DIAPH3: variants seen among roughly 807,000 people sequenced by gnomAD.
DIAPH3 encodes the protein protein diaphanous homolog 3.
A neutral mutation model predicts 144.3 loss-of-function variants in DIAPH3; 117 were observed. That is an observed-to-expected ratio of 0.81 (90% confidence interval 0.70 to 0.95). The LOEUF (loss-of-function observed/expected upper bound fraction) is 0.95. DIAPH3 is among the 40% of genes least tolerant of loss of function. The pLI is 0.00. For synonymous variants in DIAPH3, 519 were observed against 488.9 expected, an observed-to-expected ratio of 1.06 and a Z score of -0.81; for missense variants, 1,421 against 1,412.7, an observed-to-expected ratio of 1.01 and a Z score of -0.09.
At chr13:59,840,254 A>T (rs1023978551) in intron 22 of DIAPH3, among the ~76,000 whole-genome samples, 1 of 152,168 alleles carries the variant, frequency 6.6e-6, no homozygotes, top group Non-Finnish European at 1.5e-5. Context: ...GGTTAAAAAA[A>T]AATCTATTGT....
intron 27 of DIAPH3, among the ~76,000 whole-genome samples, chr13:59,704,932 A>T: frequency 6.6e-6 from 1 of 152,094 alleles, no homozygotes; most frequent in Non-Finnish European, 1.5e-5. Context: ...GGGTTTGACT[A>T]TTTTTTTCAC....
intron 3 of DIAPH3, among the ~76,000 whole-genome samples, chr13:60,103,233 G>A (rs1024320822): frequency 1.3e-5 from 2 of 151,940 alleles, no homozygotes; most frequent in African/African-American, 2.4e-5. Flanking sequence ...CAATCAAGCA[G>A]AGAACAGCAA....
intron 21 of DIAPH3, among the ~76,000 whole-genome samples, chr13:59,864,556 G>C (rs2043803030): frequency 6.6e-6 from 1 of 152,028 alleles, no homozygotes; most frequent in African/African-American, 2.4e-5. Flanking sequence ...GCCAGCAACT[G>C]CTAGGATTAA....
In DIAPH3 at chr13:60,163,771, C is replaced by T. The variant is rs747053728; in HGVS notation, c.-5G>A. 1 of 1,569,164 alleles carries T rather than the reference C, an allele frequency of 6.4e-7. No individual in the cohort carries two copies. The highest frequency in any genetic ancestry group is 8.6e-7 in the Non-Finnish European group (1 of 1,159,422). On this transcript the variant is annotated 5_prime_UTR_variant, in exon 1 of 28. Coordinates refer to ENST00000400324, the MANE Select transcript of DIAPH3 (RefSeq NM_001042517.2). ...CCGCGGCTGGTGCCGTTCCATCTTT[C>T]CCCGCAGCTCCGGGGACCGGAAAGA...
intron 27 of DIAPH3, among the ~76,000 whole-genome samples, chr13:59,715,869 G>C (rs1274546811): frequency 6.6e-6 from 1 of 152,108 alleles, no homozygotes; most frequent in African/African-American, 2.4e-5. Flanking sequence ...CCTGCTTGCA[G>C]ATAAAACATT....
chr13:59,757,736 C>G (rs2037363127), intron 27 of DIAPH3, among the ~76,000 whole-genome samples: 1 of 152,098 alleles, frequency 6.6e-6, no homozygotes, highest in Non-Finnish European at 1.5e-5. Context: ...CCATGTCATG[C>G]AGCCACTGAA....
At chr13:59,787,537 G>C (rs1385893772) in intron 25 of DIAPH3, among the ~76,000 whole-genome samples, 1 of 152,136 alleles carries the variant, frequency 6.6e-6, no homozygotes, top group Non-Finnish European at 1.5e-5. Context: ...ACAACATAGT[G>C]AGACTTTGTT....
intron 1 of DIAPH3, among the ~76,000 whole-genome samples, chr13:60,156,939 A>ATTTTTTTTTTT (rs757042309): frequency 6.1e-5 from 5 of 82,044 alleles, no homozygotes; most frequent in Admixed American, 1.7e-4. Flanking sequence ...ATATATATAT[A>ATTTTTTTTTTT]TTTTTTTTTT....
intron 1 of DIAPH3, among the ~76,000 whole-genome samples, chr13:60,151,188 G>C (rs1951765316): frequency 6.6e-6 from 1 of 152,090 alleles, no homozygotes; most frequent in Non-Finnish European, 1.5e-5. Context: ...ATAGTGATGA[G>C]GTCTCCCCTA....
intron 5 of DIAPH3, among the ~76,000 whole-genome samples, chr13:60,039,183 A>G (rs546472826): frequency 6.6e-6 from 1 of 152,284 alleles, no homozygotes; most frequent in African/African-American, 2.4e-5. Flanking sequence ...AAAGGCTGAC[A>G]TGGCTCACAA....
At chr13:59,841,485 T>C (rs1286157464) in intron 22 of DIAPH3, among the ~76,000 whole-genome samples, 2 of 151,376 alleles carry the variant, frequency 1.3e-5, no homozygotes, top group African/African-American at 2.4e-5. Context: ...TCCCAGCTAA[T>C]ATGGAGGCTG....
At chr13:59,699,273 G>A (rs957132460) in intron 27 of DIAPH3, among the ~76,000 whole-genome samples, 1 of 152,218 alleles carries the variant, frequency 6.6e-6, no homozygotes, top group African/African-American at 2.4e-5. Context: ...GAGATCTGTA[G>A]GAATAGATGG....
chr13:60,063,049 A>T (rs1283290654), intron 4 of DIAPH3, among the ~76,000 whole-genome samples: 2 of 152,208 alleles, frequency 1.3e-5, no homozygotes, highest in Non-Finnish European at 2.9e-5. Flanking sequence ...TGTAGCATGC[A>T]ATGCTACTTG....
At chr13:59,930,000 G>A (rs1662587102) in intron 17 of DIAPH3, among the ~76,000 whole-genome samples, 1 of 152,134 alleles carries the variant, frequency 6.6e-6, no homozygotes. Flanking sequence ...GACAATTTCT[G>A]AACTTCCTTA....
intron 3 of DIAPH3, among the ~76,000 whole-genome samples, chr13:60,094,344 C>A (rs897895580): frequency 6.6e-6 from 1 of 152,178 alleles, no homozygotes; most frequent in Non-Finnish European, 1.5e-5. Context: ...CATTTCTCAA[C>A]AGCACCAACC....
chr13:60,142,409 TA>T (rs1435300641), intron 1 of DIAPH3, among the ~76,000 whole-genome samples: 1 of 152,168 alleles, frequency 6.6e-6, no homozygotes, highest in African/African-American at 2.4e-5. Context: ...TTCTATCAAT[TA>T]TTTTTTTAAT....
chr13:60,033,461 C>T (rs537502175), intron 5 of DIAPH3, among the ~76,000 whole-genome samples: 1 of 152,166 alleles, frequency 6.6e-6, no homozygotes, highest in Non-Finnish European at 1.5e-5. Context: ...GGAAGCATGA[C>T]ACCAGCATCT....
intron 17 of DIAPH3, among the ~76,000 whole-genome samples, chr13:59,936,325 A>T (rs2140355994): frequency 6.6e-6 from 1 of 152,272 alleles, no homozygotes. Context: ...AAATTATAAT[A>T]ATTAGCAACT....
intron 7 of DIAPH3, among the ~76,000 whole-genome samples, chr13:60,014,501 C>G (rs1403961553): frequency 6.6e-6 from 1 of 151,960 alleles, no homozygotes; most frequent in Non-Finnish European, 1.5e-5. Context: ...AAATAGAAAG[C>G]TTAGCTCCAG....
Sources: gnomAD v4.1 joint callset for allele counts (sites outside exome capture counted in the v4.1 genomes callset) on GRCh38, gnomAD v4.1.1 for gene constraint, MANE v1.5 for transcripts, NCBI Gene and HGNC (gene_info 2026-07-23, HGNC 2026-07-21) for gene names.